Variants in DMD observed in about 807,000 individuals in gnomAD.
DMD encodes the protein dystrophin.
A neutral mutation model predicts 330.1 loss-of-function variants in DMD; 63 were observed. The observed-to-expected ratio is 0.19, with a 90% CI of 0.16 to 0.24. DMD has a LOEUF of 0.24. Ranked by LOEUF, DMD falls within the 10% of genes least tolerant of loss-of-function variation. The pLI is 1.00. For synonymous variants in DMD, 1,223 were observed against 959.8 expected (o/e 1.27, Z -5.07); for missense variants, 3,344 against 2,684.1 (o/e 1.25, Z -5.43).
At chrX:32,599,117 A>G (rs960523610) in intron 12 of DMD, among the ~76,000 whole-genome samples, 1 of 112,402 alleles carries the variant, frequency 8.9e-6, no homozygotes, top group African/African-American at 3.2e-5. Context: ...AAATAGCTGT[A>G]AGACAAAAGC....
chrX:33,139,868 TA>T (rs3990971), intron 1 of DMD, among the ~76,000 whole-genome samples: 12,702 of 64,088 alleles, frequency 0.2, 1,095 homozygotes, highest in South Asian at 0.39. Context: ...GCCCCATCGC[TA>T]AAAAAAAAAA....
At chrX:32,736,675 C>A (rs2068532566) in intron 7 of DMD, among the ~76,000 whole-genome samples, 1 of 105,722 alleles carries the variant, frequency 9.5e-6, no homozygotes, top group Non-Finnish European at 1.9e-5. Flanking sequence ...AACAAAAAAC[C>A]AAACACCACA....
intron 74 of DMD, among the ~76,000 whole-genome samples, chrX:31,160,527 A>G (rs1390364558): frequency 9.0e-6 from 1 of 111,592 alleles, no homozygotes; most frequent in Non-Finnish European, 1.9e-5. Flanking sequence ...TTTACTTCAG[A>G]CTTGAATTTC....
chrX:31,456,876 G>GTGTGTGTGTGTGTGTA (rs752346201), intron 59 of DMD, among the ~76,000 whole-genome samples: 4 of 68,725 alleles, frequency 5.8e-5, no homozygotes, highest in Admixed American at 4.8e-4. Flanking sequence ...GTGTGTGTGT[G>GTGTGTGTGTGTGTGTA]TATATATATA....
At chrX:32,895,560 G>A (rs2085633019) in intron 2 of DMD, among the ~76,000 whole-genome samples, 1 of 111,542 alleles carries the variant, frequency 9.0e-6, no homozygotes, top group Admixed American at 9.6e-5. Flanking sequence ...GCTCTGGCTT[G>A]TGGAAGATCG....
At chrX:33,079,508 T>C (rs1176053792) in intron 1 of DMD, among the ~76,000 whole-genome samples, 1 of 111,712 alleles carries the variant, frequency 9.0e-6, no homozygotes, top group Non-Finnish European at 1.9e-5. Context: ...GAGTTTTACA[T>C]AATCTCAGAA....
chrX:31,586,787 C>G (rs2076629866), intron 55 of DMD, among the ~76,000 whole-genome samples: 1 of 112,013 alleles, frequency 8.9e-6, no homozygotes, highest in Non-Finnish European at 1.9e-5. Flanking sequence ...TGAGACAACT[C>G]TCAGGGAACA....
chrX:33,140,955 T>C (rs1413041435), intron 1 of DMD, among the ~76,000 whole-genome samples: 1 of 112,363 alleles, frequency 8.9e-6, no homozygotes, highest in Non-Finnish European at 1.9e-5. Context: ...TGTATATATA[T>C]ACAATATACA....
At chrX:32,201,483 C>A (rs1260257213) in intron 44 of DMD, among the ~76,000 whole-genome samples, 2 of 84,752 alleles carry the variant, frequency 2.4e-5, no homozygotes, top group South Asian at 6.3e-4. Flanking sequence ...CCCCCCCCCC[C>A]AACAAGGAGG....
At chrX:32,756,714 T>C (rs2071556129) in intron 7 of DMD, among the ~76,000 whole-genome samples, 1 of 111,853 alleles carries the variant, frequency 8.9e-6, no homozygotes. Context: ...GGTGAAAGCC[T>C]TGGCAGGAAG....
chrX:32,342,396 T>C, intron 40 of DMD, 114 bp from the exon 41 acceptor site: 1 of 783,691 alleles, frequency 1.3e-6, no homozygotes, highest in Non-Finnish European at 1.8e-6. Context: ...TTTATTGTCA[T>C]CCTTTGAAGT....
intron 1 of DMD, among the ~76,000 whole-genome samples, chrX:33,076,427 T>C (rs1378487639): frequency 3.6e-5 from 4 of 111,560 alleles, no homozygotes; most frequent in Non-Finnish European, 7.5e-5. Context: ...TATGTATGTA[T>C]ACCCAACATC....
intron 16 of DMD, among the ~76,000 whole-genome samples, chrX:32,564,347 C>G (rs1176476321): frequency 9.0e-6 from 1 of 111,711 alleles, no homozygotes; most frequent in Non-Finnish European, 1.9e-5. Flanking sequence ...AACACGGCAA[C>G]TGACCATTTT....
intron 2 of DMD, among the ~76,000 whole-genome samples, chrX:32,853,769 G>GAAAAAAAAAAAAAAAAAAAAAAAAAAA (rs1162458210): frequency 7.1e-5 from 4 of 56,087 alleles, no homozygotes; most frequent in African/African-American, 1.5e-4. Flanking sequence ...CACAGTGACA[G>GAAAAAAAAAAAAAAAAAAAAAAAAAAA]AAAAAAAAAA....
chrX:31,774,501 C>T (rs1330808836), intron 50 of DMD, among the ~76,000 whole-genome samples: 1 of 111,569 alleles, frequency 9.0e-6, no homozygotes, highest in Non-Finnish European at 1.9e-5. Context: ...TTCTCAGTAA[C>T]AATCATATAC....
intron 55 of DMD, among the ~76,000 whole-genome samples, chrX:31,561,011 G>GTTTGAGGGTCAAC (rs1467718470): frequency 9.0e-6 from 1 of 111,607 alleles, no homozygotes; most frequent in Admixed American, 9.5e-5. Context: ...CCCTCACATT[G>GTTTGAGGGTCAAC]TTTGAGGGTC....
intron 1 of DMD, among the ~76,000 whole-genome samples, chrX:33,051,700 G>A (rs1288691515): frequency 2.1e-5 from 2 of 93,786 alleles, no homozygotes; most frequent in East Asian, 6.4e-4. Flanking sequence ...CAGGCTGGAA[G>A]TTCAGTGGCA....
chrX:31,460,068 C>G (rs113057442), intron 59 of DMD, among the ~76,000 whole-genome samples: 1 of 112,119 alleles, frequency 8.9e-6, no homozygotes, highest in African/African-American at 3.2e-5. Context: ...TTTAAGACAT[C>G]TGTTTCCATT....
intron 2 of DMD, among the ~76,000 whole-genome samples, chrX:32,902,403 C>T (rs1255335696): frequency 9.0e-6 from 1 of 110,598 alleles, no homozygotes; most frequent in Non-Finnish European, 1.9e-5. Context: ...GTTTAATTAA[C>T]CAAATATATA....
Sources: gnomAD v4.1 joint callset for allele counts (sites outside exome capture counted in the v4.1 genomes callset) on GRCh38, gnomAD v4.1.1 for gene constraint, MANE v1.5 for transcripts, NCBI Gene and HGNC (gene_info 2026-07-23, HGNC 2026-07-21) for gene names.